The following KCNH4 variants were observed in gnomAD, a reference collection of about 807,000 sequenced individuals.
The protein encoded by KCNH4 is potassium voltage-gated channel subfamily H member 4.
In KCNH4, 33 loss-of-function variants were observed where a neutral mutation model predicts 90.7. The ratio of observed to expected loss-of-function variants is 0.36; its 90% CI spans 0.28 to 0.49. The LOEUF is 0.49. Among genes scored for constraint, KCNH4 ranks in the 20% least tolerant of loss-of-function variants. The probability of loss-of-function intolerance (pLI) is 0.98; values close to 1 mark genes in which losing one functional copy is unlikely to be tolerated. For synonymous variants in KCNH4, 551 were observed against 581.7 expected (o/e 0.95, Z 0.76); for missense variants, 1,044 against 1,387.1 (o/e 0.75, Z 3.93).
chr17:42,168,453 G>C (rs572533834), intron 9 of KCNH4, among the ~76,000 whole-genome samples: 1 of 152,278 alleles, frequency 6.6e-6, no homozygotes, highest in East Asian at 1.9e-4. Flanking sequence ...AGACAAGCCT[G>C]ACCAACATGG....
chr17:42,170,447 C>T (rs564299823), intron 7 of KCNH4, 146 bp from the exon 8 acceptor site: 44 of 645,006 alleles, frequency 6.8e-5, no homozygotes, highest in Middle Eastern at 4.3e-4. Flanking sequence ...CCTGTGTCTC[C>T]CCATGGTGCA....
chr17:42,160,354 G>C lies in KCNH4; in HGVS notation c.2740C>G (p.Pro914Ala), dbSNP rs200945829. The C allele has an allele frequency of 5.6e-6, 9 of 1,614,058 alleles. No homozygotes were observed. The East Asian group carries it at 1.6e-4, about 28-fold the overall frequency. Reference sequence around the variant, plus strand: ...GCGGAGCCTGCTGGGTGGCCTGGGGGACCCAGCCTGGCCTGCAGCAGGCCC... The same window carrying C: ...GCGGAGCCTGCTGGGTGGCCTGGGGCACCCAGCCTGGCCTGCAGCAGGCCC... ...IMGLLQARLG[P>A]PGHPAGSAWT... The change falls in exon 16 of 17, where the codon CCC becomes GCC. Residue 914 changes from proline (P) to alanine (A), a missense_variant. By Grantham distance (27) the Pro-to-Ala change is conservative (BLOSUM62 -1). Coordinates refer to ENST00000264661, the MANE Select transcript of KCNH4 (RefSeq NM_012285.3).
intron 6 of KCNH4, among the ~76,000 whole-genome samples, chr17:42,172,306 G>A (rs1029273829): frequency 2.0e-4 from 30 of 151,420 alleles, no homozygotes; most frequent in African/African-American, 6.6e-4. Flanking sequence ...AGGTTCAAGC[G>A]ATTCAAGGCT....
chr17:42,172,096 C>G, intron 6 of KCNH4, 101 bp from the exon 7 acceptor site: 2 of 899,964 alleles, frequency 2.2e-6, no homozygotes, highest in Non-Finnish European at 3.5e-6. Context: ...GGAGCCAGGG[C>G]AGGCTGCAAC....
rs148380980 is a variant in KCNH4 at position 42,169,546 on chromosome 17, C to T, written c.1521G>A (p.Pro507=). The T allele has an allele frequency of 1.8e-4, 284 of 1,613,478 alleles. 2 individuals are homozygous for T. The African/African-American group carries it at 2.8e-3, about 16-fold the overall frequency. Residue 507 remains proline (P), a synonymous_variant, in exon 9 of 17, where the codon CCG becomes CCA. Coordinates refer to ENST00000264661, the MANE Select transcript of KCNH4 (RefSeq NM_012285.3). ...DFIRVHRLPR[P]LKQRMLEYFQ... ...AGTATTCGAGCATGCGCTGCTTGAGCGGCCGCGGCAGGCGGTGCACACGGA... is the reference window on the plus strand; with the variant it reads ...AGTATTCGAGCATGCGCTGCTTGAGTGGCCGCGGCAGGCGGTGCACACGGA...
Position 42,165,646 on chromosome 17 carries a change from G to A in KCNH4, c.1888C>T (p.Pro630Ser). 1.9e-6 allele frequency: 3 copies of A among 1,614,152 alleles called. No individual in the cohort carries two copies. Among genetic ancestry groups the A allele is most frequent in the Non-Finnish European group, 2.5e-6 (3 of 1,180,022 alleles). ...GADIPEPGQE[P>S]GLGADPNFVL... ...AAGTTTGGGTCTGCTCCCAACCCAG[G>A]CTCCTGCCCCGGCTCAGGGATATCT... Residue 630 changes from proline to serine, a missense_variant, in exon 11 of 17, where the codon CCT (proline) becomes TCT (serine). Coordinates refer to ENST00000264661, the MANE Select transcript of KCNH4 (RefSeq NM_012285.3).
Position 42,178,781 on chromosome 17 carries a change from G to A in KCNH4, c.310+12C>T, listed in dbSNP as rs774750302. The A allele has an allele frequency of 3.7e-6, 6 of 1,605,678 alleles. No individual in the cohort carries two copies. The highest frequency in any genetic ancestry group is 1.3e-5 in the African/African-American group (1 of 74,812). On this transcript the variant is annotated intron_variant, in intron 2 of 16. Coordinates refer to ENST00000264661, the MANE Select transcript of KCNH4 (RefSeq NM_012285.3). ...TCTAGGCAGAGCTGCAGGGTGGGGT[G>A]AGCCCCCTCACCATCCTTGCGGTAG...
Position 42,176,047 on chromosome 17 carries a change from G to T in KCNH4, c.829+7C>A. 1.3e-6 allele frequency: 2 copies of T among 1,591,716 alleles called. No homozygotes were observed. The highest frequency in any genetic ancestry group is 1.7e-6 in the Non-Finnish European group (2 of 1,165,460). ...CCCACCAGGGTGGGTGAGGCAGAAG[G>T]TCTGACCTAGGATGAAGAGCATTTC... On this transcript the variant is annotated splice_region_variant and intron_variant, in intron 5 of 16. Transcript: ENST00000264661.
chr17:42,176,217 G>A lies in KCNH4; in HGVS notation c.666C>T (p.Tyr222=). The A allele has an allele frequency of 6.2e-7, 1 of 1,613,848 alleles. No individual in the cohort carries two copies. Residue 222 remains tyrosine, a synonymous_variant, in exon 5 of 17, where the codon TAC becomes TAT. Coordinates refer to ENST00000264661, the MANE Select transcript of KCNH4 (RefSeq NM_012285.3). ...CGTCCCAGATGGCCTTGGAGACGCT[G>A]TAGTGGAGGAGGAGGCAGCGAGACC... is the stretch of plus-strand genomic sequence containing the variant. ...VGGSRCLLLH[Y]SVSKAIWDGL...
intron 11 of KCNH4, 93 bp from the exon 12 acceptor site, chr17:42,164,261 G>A: frequency 9.0e-7 from 1 of 1,109,934 alleles, no homozygotes; most frequent in Non-Finnish European, 1.3e-6. Context: ...TTATGGGGTT[G>A]AGAATGTGGA....
Position 42,180,267 on chromosome 17 carries a change from G to C in KCNH4, c.76+603C>G, listed in dbSNP as rs971412711. Among the ~76,000 whole-genome samples the C allele has an allele frequency of 5.9e-5, 9 of 152,128 alleles. No homozygotes were observed. The highest frequency in any genetic ancestry group is 5.2e-4 in the Admixed American group (8 of 15,276). On this transcript the variant is annotated intron_variant, in intron 1 of 16. Coordinates refer to ENST00000264661, the MANE Select transcript of KCNH4 (RefSeq NM_012285.3). This position sits in a 1 kb window ranked among gnomAD's most constrained non-coding sequence, Gnocchi z 4.7. ...GGAAGAGGGAATGGCGGGAGAAGAGGCGGGGGAGGAGTGATGTGGCTGTCC... is the reference window on the plus strand; with the variant it reads ...GGAAGAGGGAATGGCGGGAGAAGAGCCGGGGGAGGAGTGATGTGGCTGTCC...
At position 42,165,619 on chromosome 17, in the gene KCNH4, C is replaced by G. The variant is rs564497876; in HGVS notation, c.1915G>C (p.Val639Leu). ...TTCACATCAGCACTGGTCTTTAGCA[C>G]GAAGTTTGGGTCTGCTCCCAACCCA... ...EPGLGADPNF[V>L]LKTSADVKAL... The change falls in exon 11 of 17, where the codon GTG becomes CTG. Residue 639 changes from valine to leucine, a missense_variant. Around this residue, in one of 4 missense-constraint regions of KCNH4, gnomAD observed 441 missense variants for 512.3 expected, o/e 0.86. Coordinates refer to ENST00000264661, the MANE Select transcript of KCNH4 (RefSeq NM_012285.3). 6.2e-7 allele frequency: 1 copy of G among 1,614,056 alleles called. No individual in the cohort carries two copies. Among genetic ancestry groups the G allele is most frequent in the African/African-American group, 1.3e-5 (1 of 74,908 alleles).
At chr17:42,169,723 C>T (rs1011409756) in intron 8 of KCNH4, 47 bp from the exon 9 acceptor site, 1 of 1,590,296 alleles carries the variant, frequency 6.3e-7, no homozygotes. Flanking sequence ...CCCCTCTGGC[C>T]ACCTCCCCAG....
At chr17:42,177,988 G>A in intron 4 of KCNH4, 112 bp downstream of exon 4, 1 of 1,406,868 alleles carries the variant, frequency 7.1e-7, no homozygotes, top group South Asian at 1.3e-5. Flanking sequence ...GGGCAGAGGA[G>A]CAAGCCAAGG....
chr17:42,175,723 G>A lies in KCNH4; in HGVS notation c.843C>T (p.Asn281=), dbSNP rs143129288. ...ACTGGGACACATAGGTGGTGCGGAAGTTCAGGATGATATCTGGGGGTGCAA... is the reference window on the plus strand; with the variant it reads ...ACTGGGACACATAGGTGGTGCGGAAATTCAGGATGATATCTGGGGGTGCAA... ...EMLFILDIIL[N]FRTTYVSQSG... The change falls in exon 6 of 17, where the codon AAC becomes AAT. Residue 281 remains asparagine (N), a synonymous_variant. Transcript: ENST00000264661. 1.2e-4 allele frequency: 193 copies of A among 1,613,964 alleles called. 1 individual carries two copies. In the Middle Eastern group the frequency reaches 1.8e-3, roughly 15 times the overall value.
chr17:42,162,790 G>T (rs2079758326), intron 14 of KCNH4, among the ~76,000 whole-genome samples: 1 of 151,672 alleles, frequency 6.6e-6, no homozygotes, highest in African/African-American at 2.4e-5. Flanking sequence ...ATGGGGTTTT[G>T]CCATATTGGC....
Position 42,176,260 on chromosome 17 carries a change from T to C in KCNH4, c.623A>G (p.Lys208Arg). ...GCGAGACCCCCCCACGGAGGCCACC[T>C]TGTACTCGGGCACTGATGGCTTTGG... ...FEPKPSVPEYKVASVGGSRCL... is the reference protein window; with the variant it reads ...FEPKPSVPEYRVASVGGSRCL... The change falls in exon 5 of 17, where the codon AAG (lysine) becomes AGG (arginine). Residue 208 changes from lysine (K) to arginine (R), a missense_variant. Physicochemically the swap from Lys to Arg is conservative, Grantham distance 26. Around this residue, in one of 4 missense-constraint regions of KCNH4, gnomAD observed 283 missense variants for 378.6 expected, o/e 0.75. Coordinates refer to ENST00000264661, the MANE Select transcript of KCNH4 (RefSeq NM_012285.3). 6.2e-7 allele frequency: 1 copy of C among 1,613,708 alleles called. No homozygotes were observed. Among genetic ancestry groups the C allele is most frequent in the East Asian group, 2.2e-5 (1 of 44,862 alleles).
intron 1 of KCNH4, 121 bp from the exon 2 acceptor site, chr17:42,179,147 T>G: frequency 1.5e-6 from 1 of 666,708 alleles, no homozygotes. Flanking sequence ...CAGGTTTCCA[T>G]GTTGCTCCTG....
In KCNH4 at chr17:42,178,202, G is replaced by A; in HGVS notation, c.483C>T (p.Ala161=). The A allele has an allele frequency of 6.2e-7, 1 of 1,614,222 alleles. No homozygotes were observed. The highest frequency in any genetic ancestry group is 1.1e-5 in the South Asian group (1 of 91,088). The part of the protein sequence containing the change: ...NHENSLGRRG[A]TWKFRSARRR... Reference sequence around the variant, plus strand: ...TTCTGGCAGACCGAAATTTCCAGGTGGCTCCCCTTCTACCAAGGGAGTTTT... The same window carrying A: ...TTCTGGCAGACCGAAATTTCCAGGTAGCTCCCCTTCTACCAAGGGAGTTTT... Residue 161 remains alanine, a synonymous_variant, in exon 4 of 17, where the codon GCC becomes GCT. Transcript: ENST00000264661.
Sources: gnomAD v4.1 joint callset for allele counts (sites outside exome capture counted in the v4.1 genomes callset) on GRCh38, gnomAD v4.1.1 for gene constraint, gnomAD v4.1.1 regional missense constraint, Gnocchi (gnomAD v3.1) non-coding constraint, MANE v1.5 for transcripts, NCBI Gene and HGNC (gene_info 2026-07-23, HGNC 2026-07-21) for gene names.